Variants in ZFHX3 observed in about 807,000 individuals in gnomAD.
ZFHX3 encodes zinc finger homeobox 3.
A neutral mutation model predicts 279.1 loss-of-function variants in ZFHX3; 42 were observed. The observed-to-expected ratio is 0.15, with a 90% CI of 0.12 to 0.19. The LOEUF is 0.19. Among genes scored for constraint, ZFHX3 ranks in the 10% least tolerant of loss-of-function variants. The pLI, the probability that ZFHX3 is intolerant of heterozygous loss-of-function variation, is 1.00. For missense variants in ZFHX3, 4,981 were observed against 4,754.0 expected, an observed-to-expected ratio of 1.05 and a Z score of -1.40; for synonymous variants, 2,293 against 1,957.8, an observed-to-expected ratio of 1.17 and a Z score of -4.52.
At position 73,002,648 on chromosome 16, in the gene ZFHX3, C is replaced by T. The variant is rs542418980; in HGVS notation, c.-49-42454G>A. Among the ~76,000 whole-genome samples, 327 of 152,292 alleles carry T rather than the reference C, an allele frequency of 2.1e-3. 1 individual carries two copies. The highest frequency in any genetic ancestry group is 0.014 in the Middle Eastern group (4 of 294). Reference sequence around the variant, plus strand: ...AAGACTTCCACTATTTTTACAAACACATACCATAGATGCTTACAGTAAATA... The same window carrying T: ...AAGACTTCCACTATTTTTACAAACATATACCATAGATGCTTACAGTAAATA... On this transcript the variant is annotated intron_variant, in intron 1 of 9. Transcript: ENST00000268489.
intron 4 of ZFHX3, among the ~76,000 whole-genome samples, chr16:73,276,994 G>A (rs556004068): frequency 7.4e-4 from 113 of 152,286 alleles, no homozygotes; most frequent in Non-Finnish European, 2.9e-4. Flanking sequence ...TTTTCTAAAG[G>A]AGATATTCTA....
intron 3 of ZFHX3, among the ~76,000 whole-genome samples, chr16:73,359,316 A>C (rs952731998): frequency 6.6e-6 from 1 of 152,106 alleles, no homozygotes; most frequent in Non-Finnish European, 1.5e-5. Flanking sequence ...GCATGTGCAG[A>C]GAAGCAGAGG....
intron 4 of ZFHX3, among the ~76,000 whole-genome samples, chr16:73,277,056 G>A (rs59514677): frequency 0.14 from 21,194 of 152,138 alleles, 1,544 homozygotes; most frequent in East Asian, 0.2. Context: ...GGTATCCTGA[G>A]TTATTTTCAT....
chr16:73,632,972 G>T (rs535466464), intron 2 of ZFHX3, among the ~76,000 whole-genome samples: 2 of 151,790 alleles, frequency 1.3e-5, no homozygotes, highest in African/African-American at 2.4e-5. Context: ...CCAGCTACTC[G>T]GGAGGCTGAG....
intron 3 of ZFHX3, among the ~76,000 whole-genome samples, chr16:73,448,126 C>A (rs972839493): frequency 2.0e-5 from 3 of 152,146 alleles, no homozygotes; most frequent in Non-Finnish European, 2.9e-5. Flanking sequence ...GATATTAATG[C>A]TCAGAGCCCA....
At chr16:73,614,654 G>A (rs952613428) in intron 2 of ZFHX3, among the ~76,000 whole-genome samples, 3 of 152,098 alleles carry the variant, frequency 2.0e-5, no homozygotes, top group South Asian at 2.1e-4. Context: ...ACCTTTGACC[G>A]CTCTACAGGA....
chr16:73,371,569 G>T (rs2016631210), intron 3 of ZFHX3, among the ~76,000 whole-genome samples: 1 of 151,838 alleles, frequency 6.6e-6, no homozygotes. Flanking sequence ...GCACAGGCAG[G>T]GCAGGAAGCT....
chr16:73,422,081 A>G (rs2017729042), intron 3 of ZFHX3, among the ~76,000 whole-genome samples: 1 of 152,114 alleles, frequency 6.6e-6, no homozygotes, highest in Non-Finnish European at 1.5e-5. Context: ...TATCTTCTGG[A>G]TGTTCTTGCT....
chr16:73,321,988 C>T (rs1010294062), intron 3 of ZFHX3, among the ~76,000 whole-genome samples: 3 of 152,182 alleles, frequency 2.0e-5, no homozygotes, highest in Non-Finnish European at 4.4e-5. Context: ...ACATAAAAAT[C>T]CCGGAGGTAG....
At chr16:73,654,854 C>CTTTTTTT (rs1382941693) in intron 2 of ZFHX3, among the ~76,000 whole-genome samples, 1 of 64,122 alleles carries the variant, frequency 1.6e-5, no homozygotes, top group Non-Finnish European at 2.7e-5. Context: ...ATAGTAATCA[C>CTTTTTTT]TTTTTTTTTT....
At chr16:73,703,209 T>G (rs2053268176) in intron 1 of ZFHX3, among the ~76,000 whole-genome samples, 1 of 152,040 alleles carries the variant, frequency 6.6e-6, no homozygotes, top group Admixed American at 6.6e-5. Context: ...GCAGTTCGTT[T>G]AAGATGTAAT....
chr16:73,470,373 G>T (rs756213188), intron 2 of ZFHX3, among the ~76,000 whole-genome samples: 1 of 152,180 alleles, frequency 6.6e-6, no homozygotes, highest in Non-Finnish European at 1.5e-5. Context: ...GTCCTGGTCT[G>T]TATCTGCCTT....
chr16:72,965,163 G>C (rs558288234), intron 1 of ZFHX3, among the ~76,000 whole-genome samples: 3 of 152,332 alleles, frequency 2.0e-5, no homozygotes, highest in Non-Finnish European at 4.4e-5. Context: ...ACAGGCGTGA[G>C]CCACCGCACC....
intron 5 of ZFHX3, among the ~76,000 whole-genome samples, chr16:73,223,989 C>T (rs2012508003): frequency 6.6e-6 from 1 of 152,076 alleles, no homozygotes; most frequent in Non-Finnish European, 1.5e-5. Context: ...ACTGTGGAGA[C>T]AGGAAAAAGA....
At chr16:73,404,132 A>G (rs2017312184) in intron 3 of ZFHX3, among the ~76,000 whole-genome samples, 1 of 152,172 alleles carries the variant, frequency 6.6e-6, no homozygotes, top group African/African-American at 2.4e-5. Context: ...GGGTTAGCCA[A>G]GGATCCAGTT....
chr16:73,564,981 G>A (rs773703291), intron 2 of ZFHX3, among the ~76,000 whole-genome samples: 2 of 152,140 alleles, frequency 1.3e-5, no homozygotes, highest in Non-Finnish European at 2.9e-5. Flanking sequence ...GGCCAGGCAC[G>A]GTGGCTCATG....
intron 7 of ZFHX3, among the ~76,000 whole-genome samples, chr16:73,100,438 G>T (rs1379408965): frequency 1.3e-5 from 2 of 152,182 alleles, no homozygotes; most frequent in Non-Finnish European, 2.9e-5. Flanking sequence ...GATTAACTTT[G>T]CAACTCTTTG....
intron 5 of ZFHX3, among the ~76,000 whole-genome samples, chr16:73,216,780 A>G (rs992427997): frequency 6.6e-6 from 1 of 151,040 alleles, no homozygotes. Context: ...AAAAAGAAAA[A>G]AAAAAAGGAC....
At chr16:73,877,959 T>G (rs1401316392) in intron 1 of ZFHX3, among the ~76,000 whole-genome samples, 1 of 152,044 alleles carries the variant, frequency 6.6e-6, no homozygotes, top group African/African-American at 2.4e-5. Context: ...AAAAAAGATA[T>G]TTAACAGAGA....
Sources: allele counts gnomAD v4.1 joint callset (sites outside exome capture counted in the v4.1 genomes callset), GRCh38; gene constraint gnomAD v4.1.1; transcripts MANE v1.5; gene names NCBI Gene and HGNC (gene_info 2026-07-23, HGNC 2026-07-21).